Variants in CBL observed in about 807,000 individuals in gnomAD.
CBL encodes the protein Cbl proto-oncogene, also known as E3 ubiquitin-protein ligase CBL.
In CBL, 45 loss-of-function variants were observed where a neutral mutation model predicts 96.9. The observed-to-expected ratio is 0.46, with a 90% CI of 0.37 to 0.60. The LOEUF (loss-of-function observed/expected upper bound fraction) is 0.60, where lower values mean the gene tolerates loss of function less well. Ranked by LOEUF, CBL falls within the 20% of genes least tolerant of loss-of-function variation. The pLI is 0.00. For synonymous variants in CBL, 420 were observed against 426.8 expected (o/e 0.98, Z 0.20); for missense variants, 1,024 against 1,143.5 (o/e 0.90, Z 1.51).
intron 2 of CBL, among the ~76,000 whole-genome samples, chr11:119,244,682 T>C (rs1009778159): frequency 1.3e-5 from 2 of 151,038 alleles, no homozygotes; most frequent in African/African-American, 4.9e-5. Context: ...CCCGGGTTCA[T>C]GCCATTCTCC....
At chr11:119,262,661 G>A (rs2135288789) in intron 2 of CBL, among the ~76,000 whole-genome samples, 1 of 152,322 alleles carries the variant, frequency 6.6e-6, no homozygotes, top group South Asian at 2.1e-4. Context: ...GATAAAGTGT[G>A]TAAGAGATAC....
At chr11:119,297,682 T>G (rs1950073853) in intron 14 of CBL, among the ~76,000 whole-genome samples, 1 of 152,208 alleles carries the variant, frequency 6.6e-6, no homozygotes, top group African/African-American at 2.4e-5. Flanking sequence ...GGCCTTGAAC[T>G]CCTGACCTCA....
rs762677807 is a variant in CBL, at chr11:119,278,564, C to T, written c.1282C>T (p.Pro428Ser). The change falls in exon 9 of 16, where the codon CCC becomes TCC. Residue 428 changes from proline to serine, a missense_variant. Around this residue, in one of 4 missense-constraint regions of CBL, gnomAD observed 695 missense variants for 661.6 expected, o/e 1.05. Transcript: ENST00000264033. ...CCGATGTGAAATTAAAGGTACTGAACCCATCGTGGTAGATCCGTTTGATCC... is the reference window on the plus strand; with the variant it reads ...CCGATGTGAAATTAAAGGTACTGAATCCATCGTGGTAGATCCGTTTGATCC... Reference protein sequence around the residue: ...FCRCEIKGTEPIVVDPFDPRG... With the variant: ...FCRCEIKGTESIVVDPFDPRG... The T allele has an allele frequency of 2.5e-6, 4 of 1,614,126 alleles. No individual in the cohort carries two copies. The South Asian group carries it at 4.4e-5, about 18-fold the overall frequency.
At chr11:119,229,043 T>G (rs1237191585) in intron 1 of CBL, among the ~76,000 whole-genome samples, 1 of 152,024 alleles carries the variant, frequency 6.6e-6, no homozygotes, top group Admixed American at 6.6e-5. Flanking sequence ...TTATCTCCTT[T>G]TCTCTTCTGG....
At chr11:119,269,656 G>C (rs937751113) in intron 2 of CBL, among the ~76,000 whole-genome samples, 1 of 152,114 alleles carries the variant, frequency 6.6e-6, no homozygotes, top group African/African-American at 2.4e-5. Context: ...CCTAATAGAG[G>C]ATTGTTAGGC....
chr11:119,208,971 T>C (rs1358012819), intron 1 of CBL, among the ~76,000 whole-genome samples: 1 of 152,216 alleles, frequency 6.6e-6, no homozygotes, highest in African/African-American at 2.4e-5. Context: ...TCCCTTCCAG[T>C]GTAGGGAGAG....
At chr11:119,253,988 C>CA (rs55881003) in intron 2 of CBL, among the ~76,000 whole-genome samples, 903 of 66,448 alleles carry the variant, frequency 0.014, 7 homozygotes, top group African/African-American at 0.027. Flanking sequence ...GACCTTGACT[C>CA]AAAAAAAAAA....
At chr11:119,295,270 A>G (rs1950055851) in intron 12 of CBL, among the ~76,000 whole-genome samples, 1 of 152,222 alleles carries the variant, frequency 6.6e-6, no homozygotes, top group Non-Finnish European at 1.5e-5. Context: ...ATTCTCAGAA[A>G]TGGAATTTCT....
chr11:119,230,818 A>G (rs1486666027), intron 1 of CBL, among the ~76,000 whole-genome samples: 4 of 152,244 alleles, frequency 2.6e-5, no homozygotes, highest in Admixed American at 6.5e-5. Context: ...AGTCCATGTA[A>G]ATAGAAAGCA....
At position 119,305,809 on chromosome 11, in the gene CBL, TTC is replaced by T. The variant is rs1215797671; in HGVS notation, c.*6033_*6034del. Reference sequence around the variant, plus strand: ...TTGCCTAAATCTTTTGATCTTATATTTCTCTCATCTCAGAGCCTGTCCTGAGT... The same window carrying T: ...TTGCCTAAATCTTTTGATCTTATATTTCTCATCTCAGAGCCTGTCCTGAGT... On this transcript the variant is annotated 3_prime_UTR_variant, in exon 16 of 16. Transcript: ENST00000264033. 1.3e-5 allele frequency: 3 copies of T among 230,852 alleles called. No individual in the cohort carries two copies. The highest frequency in any genetic ancestry group is 2.6e-5 in the Non-Finnish European group (3 of 116,560). The allele number at this position is 230,852 out of a possible 1,614,324, so 14.3% of individuals were successfully genotyped here. A position where few individuals can be genotyped will look rare whatever the true frequency, so the allele number is the denominator to read the frequency against.
chr11:119,271,686 A>G (rs748695407), intron 2 of CBL, 49 bp from the exon 3 acceptor site: 9 of 1,522,160 alleles, frequency 5.9e-6, no homozygotes, highest in Admixed American at 3.3e-5. Flanking sequence ...GTGCATTTAA[A>G]ATAAAAATAA....
chr11:119,252,372 G>A (rs1360153385), intron 2 of CBL, among the ~76,000 whole-genome samples: 1 of 151,994 alleles, frequency 6.6e-6, no homozygotes, highest in African/African-American at 2.4e-5. Flanking sequence ...TCTTTCTAAA[G>A]TTGAACCAGA....
At chr11:119,239,910 A>G (rs1949572300) in intron 2 of CBL, among the ~76,000 whole-genome samples, 3 of 152,138 alleles carry the variant, frequency 2.0e-5, no homozygotes, top group Admixed American at 1.3e-4. Context: ...TAGTACATAG[A>G]AAGAATCTTG....
Position 119,305,693 on chromosome 11 carries a change from A to C in CBL, c.*5912A>C, listed in dbSNP as rs1477326406. Reference sequence around the variant, plus strand: ...AGTTTTTACCGAGAGCTCTTTAGACAGTATACCTGTGTCTTCTCTGGCAAT... The same window carrying C: ...AGTTTTTACCGAGAGCTCTTTAGACCGTATACCTGTGTCTTCTCTGGCAAT... On this transcript the variant is annotated 3_prime_UTR_variant, in exon 16 of 16. Transcript: ENST00000264033. The C allele has an allele frequency of 4.4e-6, 1 of 224,810 alleles. No individual in the cohort carries two copies. Among genetic ancestry groups the C allele is most frequent in the African/African-American group, 2.2e-5 (1 of 44,858 alleles). The allele number at this position is 224,810 out of a possible 1,614,324, so 13.9% of individuals were successfully genotyped here. A position where few individuals can be genotyped will look rare whatever the true frequency, so the allele number is the denominator to read the frequency against.
intron 9 of CBL, among the ~76,000 whole-genome samples, chr11:119,280,359 C>T (rs1949923519): frequency 6.6e-6 from 1 of 151,956 alleles, no homozygotes; most frequent in African/African-American, 2.4e-5. Context: ...ATGTTTTATT[C>T]CTTGTACTTT....
chr11:119,297,553 G>T, intron 14 of CBL, 72 bp downstream of exon 14: 1 of 1,123,796 alleles, frequency 8.9e-7, no homozygotes, highest in Non-Finnish European at 1.3e-6. Flanking sequence ...TTTGGCAATT[G>T]AGATAGCTTG....
At chr11:119,215,406 A>G (rs186779817) in intron 1 of CBL, among the ~76,000 whole-genome samples, 1 of 151,188 alleles carries the variant, frequency 6.6e-6, no homozygotes, top group East Asian at 1.9e-4. Flanking sequence ...AATGGACTAA[A>G]TATTCGTTTG....
chr11:119,229,036 T>C (rs1048693347), intron 1 of CBL, among the ~76,000 whole-genome samples: 2 of 152,008 alleles, frequency 1.3e-5, no homozygotes, highest in African/African-American at 4.8e-5. Flanking sequence ...TTGTCACTTA[T>C]CTCCTTTTCT....
At chr11:119,257,118 C>G (rs184572399) in intron 2 of CBL, among the ~76,000 whole-genome samples, 235 of 152,290 alleles carry the variant, frequency 1.5e-3, no homozygotes, top group Non-Finnish European at 2.7e-3. Flanking sequence ...AATTGGCAGA[C>G]CTACATTTAG....
Sources: allele counts gnomAD v4.1 joint callset (sites outside exome capture counted in the v4.1 genomes callset), GRCh38; gene constraint gnomAD v4.1.1; regional missense constraint gnomAD v4.1.1; transcripts MANE v1.5; gene names NCBI Gene and HGNC (gene_info 2026-07-23, HGNC 2026-07-21).